Variants in CDH18 observed in about 807,000 individuals in gnomAD.
CDH18 encodes cadherin-18.
In CDH18, 31 loss-of-function variants were observed where a neutral mutation model predicts 67.9. The ratio of observed to expected loss-of-function variants is 0.46; its 90% CI spans 0.34 to 0.62. The LOEUF is 0.62. Among genes scored for constraint, CDH18 ranks in the 20% least tolerant of loss-of-function variants. The pLI is 0.01. For missense variants in CDH18, 890 were observed against 975.5 expected, an observed-to-expected ratio of 0.91 and a Z score of 1.17; for synonymous variants, 362 against 347.2, an observed-to-expected ratio of 1.04 and a Z score of -0.48.
chr5:19,912,183 T>A (rs371885829), intron 2 of CDH18, among the ~76,000 whole-genome samples: 9 of 147,746 alleles, frequency 6.1e-5, no homozygotes, highest in East Asian at 2.0e-4. Flanking sequence ...ACAATAATAA[T>A]AAAAAAAAAA....
At chr5:19,628,410 G>C (rs1420340519) in intron 5 of CDH18, among the ~76,000 whole-genome samples, 2 of 152,088 alleles carry the variant, frequency 1.3e-5, no homozygotes, top group Admixed American at 6.6e-5. Flanking sequence ...AAGTTGCTTT[G>C]GGAATAAATT....
intron 6 of CDH18, 139 bp downstream of exon 6, chr5:19,612,295 A>G (rs994197048): frequency 4.2e-5 from 31 of 734,412 alleles, no homozygotes; most frequent in Non-Finnish European, 6.6e-5. Flanking sequence ...TGAGTCTTAC[A>G]TGAAGAAGGG....
rs754975569 is a variant in CDH18 at position 19,721,266 on chromosome 5, G to T, written c.643+81C>A. 11 of 1,294,144 alleles carry T rather than the reference G, an allele frequency of 8.5e-6. No homozygotes were observed. In the East Asian group the frequency reaches 2.6e-4, roughly 31 times the overall value. 80.2% of individuals were successfully genotyped at this position (1,294,144 alleles called of 1,614,324 possible). ...TAAAATCACATCATCTAATGGAAAA[G>T]AGCATATGGAAATAAAAACCATTGC... On this transcript the variant is annotated intron_variant, in intron 5 of 12. Coordinates refer to ENST00000382275, the MANE Select transcript of CDH18 (RefSeq NM_004934.5).
chr5:20,534,445 A>G (rs1756595783), intron 1 of CDH18, among the ~76,000 whole-genome samples: 1 of 152,124 alleles, frequency 6.6e-6, no homozygotes, highest in Non-Finnish European at 1.5e-5. Context: ...CCTATATACC[A>G]ATGTAGAGAT....
intron 3 of CDH18, among the ~76,000 whole-genome samples, chr5:19,764,676 T>G (rs1772843402): frequency 6.6e-6 from 1 of 151,600 alleles, no homozygotes; most frequent in Admixed American, 6.6e-5. Context: ...TATATGTATA[T>G]ATATCTTTAT....
chr5:20,485,410 G>C (rs1170055416), intron 1 of CDH18, among the ~76,000 whole-genome samples: 1 of 152,102 alleles, frequency 6.6e-6, no homozygotes, highest in East Asian at 1.9e-4. Context: ...ATATGACAAT[G>C]GGCATGGCTT....
At chr5:19,797,974 A>G (rs1328326351) in intron 3 of CDH18, among the ~76,000 whole-genome samples, 1 of 152,094 alleles carries the variant, frequency 6.6e-6, no homozygotes, top group Non-Finnish European at 1.5e-5. Context: ...AGAGAGAAAC[A>G]TAGATTAATG....
chr5:19,783,873 C>T (rs1218280260), intron 3 of CDH18, among the ~76,000 whole-genome samples: 1 of 152,128 alleles, frequency 6.6e-6, no homozygotes, highest in African/African-American at 2.4e-5. Context: ...GGCTACTACA[C>T]ACTTTAAATT....
intron 1 of CDH18, among the ~76,000 whole-genome samples, chr5:20,395,312 C>CTAT (rs1430818770): frequency 2.6e-5 from 4 of 152,116 alleles, no homozygotes; most frequent in African/African-American, 9.7e-5. Flanking sequence ...GAGCTGGAAG[C>CTAT]TATTATTCTA....
intron 4 of CDH18, among the ~76,000 whole-genome samples, chr5:19,737,104 C>T (rs1208007813): frequency 1.3e-5 from 2 of 152,100 alleles, no homozygotes; most frequent in South Asian, 2.1e-4. Context: ...CACATGCGGC[C>T]TTCTCTCTGC....
At position 19,879,319 on chromosome 5, in the gene CDH18, C is replaced by A. The variant is rs951787373; in HGVS notation, c.-256-40077G>T. ...CTTTAAAAAGAAGTTTGCCACATAA[C>A]TGCTTGTTTTTCTTAGCTCTAGTAT... On this transcript the variant is annotated intron_variant, in intron 2 of 12. Transcript: ENST00000382275. Among the ~76,000 whole-genome samples the A allele has an allele frequency of 9.9e-5, 15 of 152,002 alleles. 1 individual carries two copies. Among genetic ancestry groups the A allele is most frequent in the African/African-American group, 3.4e-4 (14 of 41,518 alleles).
chr5:19,482,017 A>C (rs1390153871), intron 12 of CDH18, among the ~76,000 whole-genome samples: 11 of 152,300 alleles, frequency 7.2e-5, no homozygotes, highest in Non-Finnish European at 7.4e-5. Context: ...TGCGGCTGTG[A>C]AAAGATTTAG....
At chr5:19,497,946 T>C (rs1173394829) in intron 11 of CDH18, among the ~76,000 whole-genome samples, 1 of 152,268 alleles carries the variant, frequency 6.6e-6, no homozygotes, top group East Asian at 1.9e-4. Context: ...AACACAAGCC[T>C]CCTGAGTCAA....
intron 2 of CDH18, among the ~76,000 whole-genome samples, chr5:20,094,270 T>A (rs974338725): frequency 3.9e-5 from 6 of 152,180 alleles, no homozygotes; most frequent in Admixed American, 6.5e-5. Flanking sequence ...AGGCAGTGGC[T>A]ATAGATGTGT....
intron 7 of CDH18, among the ~76,000 whole-genome samples, chr5:19,584,805 A>AAAAAAAAAAAG (rs1743868286): frequency 1.2e-4 from 18 of 148,538 alleles, no homozygotes; most frequent in South Asian, 4.3e-4. Flanking sequence ...AAAAAAAAAA[A>AAAAAAAAAAAG]AAAAAAAGAA....
intron 11 of CDH18, among the ~76,000 whole-genome samples, chr5:19,496,299 C>G (rs1279512016): frequency 6.6e-6 from 1 of 152,142 alleles, no homozygotes; most frequent in East Asian, 1.9e-4. Context: ...TGACTACAAT[C>G]CTCTCTAATT....
chr5:19,565,880 G>A (rs347710), intron 8 of CDH18, among the ~76,000 whole-genome samples: 15,027 of 152,098 alleles, frequency 0.099, 1,040 homozygotes, highest in African/African-American at 0.19. Flanking sequence ...GGATCACATC[G>A]AGTTAAAAAG....
chr5:19,869,428 C>A (rs1011466595), intron 2 of CDH18, among the ~76,000 whole-genome samples: 2 of 151,880 alleles, frequency 1.3e-5, no homozygotes, highest in African/African-American at 4.8e-5. Context: ...TAATTTCACC[C>A]GATAAAATGA....
chr5:19,552,828 G>A (rs934902966), intron 8 of CDH18, among the ~76,000 whole-genome samples: 1 of 152,148 alleles, frequency 6.6e-6, no homozygotes, highest in African/African-American at 2.4e-5. Context: ...CAGTACAGGA[G>A]ATCTTGCCAA....
Sources: gnomAD v4.1 joint callset for allele counts (sites outside exome capture counted in the v4.1 genomes callset) on GRCh38, gnomAD v4.1.1 for gene constraint, MANE v1.5 for transcripts, NCBI Gene and HGNC (gene_info 2026-07-23, HGNC 2026-07-21) for gene names.